Variants in FFAR3 observed in about 807,000 individuals in gnomAD.
FFAR3 encodes free fatty acid receptor 3.
For synonymous variants in FFAR3, 68 were observed against 201.1 expected, an observed-to-expected ratio of 0.34 and a Z score of 5.60; for missense variants, 136 against 446.5, an observed-to-expected ratio of 0.30 and a Z score of 6.27.
chr19:35,359,624 A>G lies in FFAR3; in HGVS notation c.734A>G (p.His245Arg). The change falls in exon 2 of 2, where the codon CAT becomes CGT. Residue 245 changes from histidine to arginine, a missense_variant. Transcript: ENST00000327809. ...LVCFGPYNVS[H>R]VVGYICGESP... ...TGCTTTGGGCCCTACAACGTGTCCC[A>G]TGTCGTGGGCTATATCTGCGGTGAA... 6.2e-7 allele frequency: 1 copy of G among 1,614,064 alleles called. No homozygotes were observed. The highest frequency in any genetic ancestry group is 1.1e-5 in the South Asian group (1 of 91,076).
upstream of FFAR3, among the ~76,000 whole-genome samples, chr19:35,358,188 G>GTTCTC (rs2066972749): frequency 6.6e-6 from 1 of 152,190 alleles, no homozygotes; most frequent in African/African-American, 2.4e-5. Context: ...ATTATGATGA[G>GTTCTC]CTCTGTTCTG....
At position 35,358,464 on chromosome 19, in the gene FFAR3, T is replaced by A. The variant is rs1408700971; in HGVS notation, c.-197T>A. On this transcript the variant is annotated 5_prime_UTR_variant, in exon 1 of 2. Transcript: ENST00000327809. ...CACGCAGTTGTGGAATTTGTTCCCC[T>A]TTTAGCATGCTGACCAGCCCTGGCA... The A allele has an allele frequency of 3.5e-6, 4 of 1,127,970 alleles. No homozygotes were observed. The highest frequency in any genetic ancestry group is 4.4e-6 in the Non-Finnish European group (4 of 916,364). 69.9% of individuals were successfully genotyped at this position (1,127,970 alleles called of 1,614,324 possible).
At chr19:35,358,723 G>A (rs1210486400) in intron 1 of FFAR3, 74 bp downstream of exon 1, 1 of 1,065,120 alleles carries the variant, frequency 9.4e-7, no homozygotes, top group Non-Finnish European at 1.3e-6. Flanking sequence ...CAGGGGACAG[G>A]GCATGCTCAG....
At position 35,359,696 on chromosome 19, in the gene FFAR3, C is replaced by T. The variant is rs767908892; in HGVS notation, c.806C>T (p.Ser269Phe). Residue 269 changes from serine to phenylalanine, a missense_variant, in exon 2 of 2, where the codon TCC becomes TTC. Transcript: ENST00000327809. ...GTGACGCTTCTCAGCACCCTGAACT[C>T]CTGTGTCGACCCCTTTGTCTACTAC... The part of the protein sequence containing the change: ...IYVTLLSTLN[S>F]CVDPFVYYFS... The T allele has an allele frequency of 2.5e-6, 4 of 1,613,922 alleles. No homozygotes were observed. Among genetic ancestry groups the T allele is most frequent in the Non-Finnish European group, 1.7e-6 (2 of 1,179,886 alleles).
intron 1 of FFAR3, 80 bp from the exon 2 acceptor site, chr19:35,358,800 G>C (rs1235237859): frequency 8.1e-7 from 1 of 1,233,580 alleles, no homozygotes; most frequent in Non-Finnish European, 1.1e-6. Context: ...TAGTGACCTC[G>C]TGCCCTTTTA....
Position 35,360,341 on chromosome 19 carries a change from G to T in FFAR3, c.*410G>T. 1 of 242,230 alleles carries T rather than the reference G, an allele frequency of 4.1e-6. No individual in the cohort carries two copies. Among genetic ancestry groups the T allele is most frequent in the Non-Finnish European group, 8.4e-6 (1 of 119,652 alleles). The allele number at this position is 242,230 out of a possible 1,614,324, so 15.0% of individuals were successfully genotyped here. A position where few individuals can be genotyped will look rare whatever the true frequency, so the allele number is the denominator to read the frequency against. Reference sequence around the variant, plus strand: ...CCCAGCCAGCGAGTCAGGAGCGGGGGAGACAGGGCTCCAGGGATGAGGCCG... The same window carrying T: ...CCCAGCCAGCGAGTCAGGAGCGGGGTAGACAGGGCTCCAGGGATGAGGCCG... On this transcript the variant is annotated 3_prime_UTR_variant, in exon 2 of 2. Transcript: ENST00000327809.
At chr19:35,358,201 G>A (rs1212971310), upstream of FFAR3, among the ~76,000 whole-genome samples, 2 of 152,216 alleles carry the variant, frequency 1.3e-5, no homozygotes, top group Non-Finnish European at 2.9e-5. Context: ...CTGTTCTGCA[G>A]GGGAGAAAGC....
intron 1 of FFAR3, 25 bp from the exon 2 acceptor site, chr19:35,358,855 A>G (rs1180429444): frequency 6.5e-7 from 1 of 1,527,126 alleles, no homozygotes; most frequent in Non-Finnish European, 9.0e-7. Context: ...CCCACTACCA[A>G]CTCCATGTTA....
chr19:35,358,640 A>G lies in FFAR3; in HGVS notation c.-21A>G. The G allele has an allele frequency of 1.5e-6, 2 of 1,373,276 alleles. No individual in the cohort carries two copies. The highest frequency in any genetic ancestry group is 2.7e-5 in the East Asian group (1 of 37,002). 85.1% of individuals were successfully genotyped at this position (1,373,276 alleles called of 1,614,324 possible). A position where few individuals can be genotyped will look rare whatever the true frequency, so the allele number is the denominator to read the frequency against. ...TGTGCGGCAGAGCATTTGGGGTCTC[A>G]AAGAAGCAGGTGAGCCTGGGCCCGA... On this transcript the variant is annotated 5_prime_UTR_variant, in exon 1 of 2. Transcript: ENST00000327809.
chr19:35,359,647 G>A lies in FFAR3; in HGVS notation c.757G>A (p.Glu253Lys), dbSNP rs1177209773. 3.1e-6 allele frequency: 5 copies of A among 1,614,078 alleles called. No individual in the cohort carries two copies. The highest frequency in any genetic ancestry group is 1.1e-5 in the South Asian group (1 of 91,074). The change falls in exon 2 of 2, where the codon GAA becomes AAA. Residue 253 changes from glutamate to lysine, a missense_variant. Glu to Lys is a moderately conservative substitution (Grantham distance 56). Transcript: ENST00000327809. ...VSHVVGYICG[E>K]SPAWRIYVTL... The stretch of plus-strand genomic sequence containing the variant: ...CCATGTCGTGGGCTATATCTGCGGT[G>A]AAAGCCCGGCGTGGAGGATCTACGT...
At position 35,360,198 on chromosome 19, in the gene FFAR3, C is replaced by A. The variant is rs764958771; in HGVS notation, c.*267C>A. Reference sequence around the variant, plus strand: ...ACAATGAGGTCCTCATAGCAGCAGGCAGCTCCTGTGTTTTCTTGAGGGTGG... The same window carrying A: ...ACAATGAGGTCCTCATAGCAGCAGGAAGCTCCTGTGTTTTCTTGAGGGTGG... On this transcript the variant is annotated 3_prime_UTR_variant, in exon 2 of 2. Coordinates refer to ENST00000327809, the MANE Select transcript of FFAR3 (RefSeq NM_005304.5). The A allele has an allele frequency of 1.9e-6, 1 of 527,528 alleles. No individual in the cohort carries two copies. The highest frequency in any genetic ancestry group is 3.6e-6 in the Non-Finnish European group (1 of 281,148). 32.7% of individuals were successfully genotyped at this position (527,528 alleles called of 1,614,324 possible).
At chr19:35,358,281 CG>C (rs2066973269), upstream of FFAR3, 1 of 162,960 alleles carries the variant, frequency 6.1e-6, no homozygotes, top group African/African-American at 2.4e-5. Flanking sequence ...TCACGGAGCT[CG>C]CTCTCTGTCA....
chr19:35,359,654 C>T lies in FFAR3; in HGVS notation c.764C>T (p.Pro255Leu), dbSNP rs148946992. The T allele has an allele frequency of 4.9e-5, 79 of 1,614,062 alleles. No individual in the cohort carries two copies. The East Asian group carries it at 8.7e-4, about 18-fold the overall frequency. ...GTGGGCTATATCTGCGGTGAAAGCC[C>T]GGCGTGGAGGATCTACGTGACGCTT... Reference protein sequence around the residue: ...HVVGYICGESPAWRIYVTLLS... With the variant: ...HVVGYICGESLAWRIYVTLLS... The change falls in exon 2 of 2, where the codon CCG becomes CTG. Residue 255 changes from proline (P) to leucine (L), a missense_variant. Pro to Leu is a moderately conservative substitution (Grantham distance 98). Coordinates refer to ENST00000327809, the MANE Select transcript of FFAR3 (RefSeq NM_005304.5).
rs1342913069 is a variant in FFAR3 at position 35,359,163 on chromosome 19, T to C, written c.273T>C (p.Ser91=). The change falls in exon 2 of 2, where the codon TCT becomes TCC. Residue 91 remains serine, a synonymous_variant. Coordinates refer to ENST00000327809, the MANE Select transcript of FFAR3 (RefSeq NM_005304.5). The stretch of plus-strand genomic sequence containing the variant: ...TGCCCTTCATCCTCTGCCCACTCTC[T>C]GGATTCATCTTCTTCACCACCATCT... ...WPLPFILCPL[S]GFIFFTTIYL... 9 of 1,599,122 alleles carry C rather than the reference T, an allele frequency of 5.6e-6. No individual in the cohort carries two copies. Among genetic ancestry groups the C allele is most frequent in the Non-Finnish European group, 7.7e-6 (9 of 1,167,824 alleles).
chr19:35,360,178 G>A lies in FFAR3; in HGVS notation c.*247G>A. On this transcript the variant is annotated 3_prime_UTR_variant, in exon 2 of 2. Coordinates refer to ENST00000327809, the MANE Select transcript of FFAR3 (RefSeq NM_005304.5). ...GTGAGAGGCTGCTCTGGAGAACAATGAGGTCCTCATAGCAGCAGGCAGCTC... is the reference window on the plus strand; with the variant it reads ...GTGAGAGGCTGCTCTGGAGAACAATAAGGTCCTCATAGCAGCAGGCAGCTC... 1.8e-6 allele frequency: 1 copy of A among 542,758 alleles called. No individual in the cohort carries two copies. Among genetic ancestry groups the A allele is most frequent in the East Asian group, 3.3e-5 (1 of 30,416 alleles). 33.6% of individuals were successfully genotyped at this position (542,758 alleles called of 1,614,324 possible). A position where few individuals can be genotyped will look rare whatever the true frequency, so the allele number is the denominator to read the frequency against.
In FFAR3 at chr19:35,359,120, A is replaced by G. The variant is rs149009291; in HGVS notation, c.230A>G (p.Asn77Ser). The G allele has an allele frequency of 0.18, 285,551 of 1,577,118 alleles. 8,427 individuals carry two copies. The highest frequency in any genetic ancestry group is 0.22 in the South Asian group (19,405 of 89,596). ...FLPFRMVEAANGMHWPLPFIL... is the reference protein window; with the variant it reads ...FLPFRMVEAASGMHWPLPFIL... ...CCTTTCCGCATGGTGGAGGCAGCCAATGGCATGCACTGGCCCCTGCCCTTC... is the reference window on the plus strand; with the variant it reads ...CCTTTCCGCATGGTGGAGGCAGCCAGTGGCATGCACTGGCCCCTGCCCTTC... Residue 77 changes from asparagine (N) to serine (S), a missense_variant, in exon 2 of 2, where the codon AAT (asparagine) becomes AGT (serine). Coordinates refer to ENST00000327809, the MANE Select transcript of FFAR3 (RefSeq NM_005304.5).
rs1458710729 is a variant in FFAR3 at position 35,359,646 on chromosome 19, T to C, written c.756T>C (p.Gly252=). The change falls in exon 2 of 2, where the codon GGT becomes GGC. Residue 252 remains glycine, a synonymous_variant. Coordinates refer to ENST00000327809, the MANE Select transcript of FFAR3 (RefSeq NM_005304.5). ...NVSHVVGYIC[G]ESPAWRIYVT... ...CCCATGTCGTGGGCTATATCTGCGG[T>C]GAAAGCCCGGCGTGGAGGATCTACG... 6.2e-7 allele frequency: 1 copy of C among 1,614,062 alleles called. No homozygotes were observed.
At position 35,360,363 on chromosome 19, in the gene FFAR3, G is replaced by T. The variant is rs1447649030; in HGVS notation, c.*432G>T. ...GGGGAGACAGGGCTCCAGGGATGAGGCCGCATTCTGCTCCCACAGCGCCTT... is the reference window on the plus strand; with the variant it reads ...GGGGAGACAGGGCTCCAGGGATGAGTCCGCATTCTGCTCCCACAGCGCCTT... On this transcript the variant is annotated 3_prime_UTR_variant, in exon 2 of 2. Coordinates refer to ENST00000327809, the MANE Select transcript of FFAR3 (RefSeq NM_005304.5). The T allele has an allele frequency of 8.6e-6, 1 of 116,802 alleles. No individual in the cohort carries two copies. 7.2% of individuals were successfully genotyped at this position (116,802 alleles called of 1,614,324 possible). A position where few individuals can be genotyped will look rare whatever the true frequency, so the allele number is the denominator to read the frequency against.
rs199884130 is a variant in FFAR3, at chr19:35,359,733, C to T, written c.843C>T (p.Ser281=). The part of the protein sequence containing the change: ...VDPFVYYFSS[S]GFQADFHELL... Reference sequence around the variant, plus strand: ...CCTTTGTCTACTACTTCTCCTCCTCCGGGTTCCAAGCCGACTTTCATGAGC... The same window carrying T: ...CCTTTGTCTACTACTTCTCCTCCTCTGGGTTCCAAGCCGACTTTCATGAGC... Residue 281 remains serine, a synonymous_variant, in exon 2 of 2, where the codon TCC becomes TCT. Coordinates refer to ENST00000327809, the MANE Select transcript of FFAR3 (RefSeq NM_005304.5). 4.2e-4 allele frequency: 679 copies of T among 1,613,734 alleles called. No individual in the cohort carries two copies. Among genetic ancestry groups the T allele is most frequent in the African/African-American group, 3.8e-3 (282 of 74,956 alleles).
Sources: allele counts gnomAD v4.1 joint callset (sites outside exome capture counted in the v4.1 genomes callset), GRCh38; gene constraint gnomAD v4.1.1; transcripts MANE v1.5; gene names NCBI Gene and HGNC (gene_info 2026-07-23, HGNC 2026-07-21).